Variants in KCNIP1 observed in about 807,000 individuals in gnomAD.
KCNIP1 encodes potassium voltage-gated channel interacting protein 1.
Under a neutral mutation model 33.0 loss-of-function variants are expected in KCNIP1, and 18 were observed. That is an observed-to-expected ratio of 0.55 (90% confidence interval 0.38 to 0.81). The LOEUF (loss-of-function observed/expected upper bound fraction) is 0.81. Ranked by LOEUF, KCNIP1 falls within the 30% of genes least tolerant of loss-of-function variation. The pLI, the probability that KCNIP1 is intolerant of heterozygous loss-of-function variation, is 0.00. For synonymous variants in KCNIP1, 93 were observed against 98.3 expected (o/e 0.95, Z 0.32); for missense variants, 238 against 271.6 (o/e 0.88, Z 0.87).
chr5:170,367,702 C>T (rs1187854826), intron 1 of KCNIP1, among the ~76,000 whole-genome samples: 1 of 152,244 alleles, frequency 6.6e-6, no homozygotes, highest in Non-Finnish European at 1.5e-5. Context: ...TTTCCACTCT[C>T]AGAACCGTTC....
intron 1 of KCNIP1, among the ~76,000 whole-genome samples, chr5:170,670,163 G>A (rs1341021480): frequency 6.6e-6 from 1 of 152,144 alleles, no homozygotes; most frequent in Non-Finnish European, 1.5e-5. Flanking sequence ...ATTGAGGATC[G>A]AAAGGCCAGG....
chr5:170,393,086 C>T (rs560800841), intron 1 of KCNIP1, among the ~76,000 whole-genome samples: 30 of 152,288 alleles, frequency 2.0e-4, no homozygotes, highest in Admixed American at 1.8e-3. Flanking sequence ...ACGCCCCTAG[C>T]GTGTGATGTG....
intron 1 of KCNIP1, among the ~76,000 whole-genome samples, chr5:170,716,267 C>G (rs1229083997): frequency 6.6e-6 from 1 of 152,198 alleles, no homozygotes; most frequent in Non-Finnish European, 1.5e-5. Flanking sequence ...GCACAGCTCA[C>G]ATTAGTGAGG....
rs894954551 is a variant in KCNIP1 at position 170,457,369 on chromosome 5, C to T, written c.88+103405C>T. ...AGAGTACGGAGAGGCCCTGGAGGGG[C>T]ATAACGACTGCAGGAATAAATTAGG... On this transcript the variant is annotated intron_variant, in intron 1 of 7. Coordinates refer to the KCNIP1 transcript ENST00000377360. 7.2e-5 allele frequency among the ~76,000 whole-genome samples: 11 copies of T among 152,154 alleles called. No homozygotes were observed. In the South Asian group the frequency reaches 1.0e-3, roughly 14 times the overall value.
chr5:170,477,232 G>GATAT (rs141358703), intron 1 of KCNIP1, among the ~76,000 whole-genome samples: 6 of 150,184 alleles, frequency 4.0e-5, no homozygotes, highest in African/African-American at 1.5e-4. Flanking sequence ...ACTCTGGGGA[G>GATAT]ATATATATAT....
At chr5:170,532,824 T>G (rs2113350613) in intron 1 of KCNIP1, among the ~76,000 whole-genome samples, 1 of 152,244 alleles carries the variant, frequency 6.6e-6, no homozygotes, top group South Asian at 2.1e-4. Flanking sequence ...AAACTCCCAG[T>G]CTTCCTTTCT....
chr5:170,620,342 A>G (rs929909028), intron 1 of KCNIP1, among the ~76,000 whole-genome samples: 6 of 152,208 alleles, frequency 3.9e-5, no homozygotes, highest in Non-Finnish European at 5.9e-5. Context: ...GGCCTTCATC[A>G]TTAGTACAGG....
intron 1 of KCNIP1, among the ~76,000 whole-genome samples, chr5:170,610,844 C>T (rs1314260072): frequency 1.3e-5 from 2 of 152,218 alleles, no homozygotes; most frequent in Non-Finnish European, 2.9e-5. Context: ...ATGTCCATGT[C>T]TCCTGCCACC....
chr5:170,568,894 T>C (rs1269806491), intron 1 of KCNIP1, among the ~76,000 whole-genome samples: 1 of 152,142 alleles, frequency 6.6e-6, no homozygotes, highest in Non-Finnish European at 1.5e-5. Flanking sequence ...GCCCTTTCTC[T>C]GCGGCTACCC....
intron 1 of KCNIP1, among the ~76,000 whole-genome samples, chr5:170,640,226 C>T (rs2113695285): frequency 6.6e-6 from 1 of 152,320 alleles, no homozygotes; most frequent in African/African-American, 2.4e-5. Context: ...ATATTGTTCC[C>T]AACTCCTGAG....
chr5:170,718,946 A>G lies in KCNIP1; in HGVS notation c.186+64A>G, dbSNP rs1171456554. 1.2e-5 allele frequency: 19 copies of G among 1,564,228 alleles called. No individual in the cohort carries two copies. In the East Asian group the frequency reaches 1.6e-4, roughly 13 times the overall value. On this transcript the variant is annotated intron_variant, in intron 2 of 7. Coordinates refer to ENST00000328939, the MANE Select transcript of KCNIP1 (RefSeq NM_014592.4). Reference sequence around the variant, plus strand: ...CCCACGTGAGGCTACACTCTCCCCAATGCCAAGGGAGCTCATAAGGCGTTT... The same window carrying G: ...CCCACGTGAGGCTACACTCTCCCCAGTGCCAAGGGAGCTCATAAGGCGTTT...
At chr5:170,732,999 C>A in intron 6 of KCNIP1, 95 bp downstream of exon 6, 1 of 711,566 alleles carries the variant, frequency 1.4e-6, no homozygotes, top group Non-Finnish European at 2.6e-6. Context: ...CAACCCTGTA[C>A]TAAGCATGGT....
intron 1 of KCNIP1, among the ~76,000 whole-genome samples, chr5:170,485,218 G>A (rs944423200): frequency 1.3e-5 from 2 of 152,154 alleles, no homozygotes; most frequent in African/African-American, 4.8e-5. Context: ...AGGATTATAG[G>A]TGTAAGCCAC....
chr5:170,467,294 A>T (rs78016622), intron 1 of KCNIP1, among the ~76,000 whole-genome samples: 1,987 of 152,272 alleles, frequency 0.013, 46 homozygotes, highest in East Asian at 0.054. Flanking sequence ...TAAAATGCTG[A>T]TGTGACATTG....
intron 1 of KCNIP1, among the ~76,000 whole-genome samples, chr5:170,624,733 G>GGGGTGGGGT (rs1554105629): frequency 1.5e-5 from 1 of 67,524 alleles, no homozygotes; most frequent in Non-Finnish European, 3.0e-5. Context: ...CCGGGGAGGT[G>GGGGTGGGGT]GGGGGGGAGA....
intron 1 of KCNIP1, among the ~76,000 whole-genome samples, chr5:170,679,598 C>A (rs1762257663): frequency 6.7e-6 from 1 of 148,474 alleles, no homozygotes. Context: ...ATTAGTGTAT[C>A]CTTTTGGAAA....
At chr5:170,683,210 T>G (rs1762418946) in intron 1 of KCNIP1, among the ~76,000 whole-genome samples, 1 of 152,190 alleles carries the variant, frequency 6.6e-6, no homozygotes, top group African/African-American at 2.4e-5. Flanking sequence ...ATGTGCCAGG[T>G]ACAGTGCTAA....
At position 170,735,949 on chromosome 5, in the gene KCNIP1, G is replaced by A; in HGVS notation, c.*143G>A. The A allele has an allele frequency of 1.5e-6, 1 of 668,840 alleles. No individual in the cohort carries two copies. Among genetic ancestry groups the A allele is most frequent in the Non-Finnish European group, 2.6e-6 (1 of 385,008 alleles). 41.4% of individuals were successfully genotyped at this position (668,840 alleles called of 1,614,324 possible). ...CACTTTGGAAGAATTCTCTGCTGAA[G>A]ACTTTCTATGGAACCCAGCATCATG... On this transcript the variant is annotated 3_prime_UTR_variant, in exon 8 of 8. Coordinates refer to ENST00000328939, the MANE Select transcript of KCNIP1 (RefSeq NM_014592.4).
chr5:170,472,373 A>T (rs1756750696), intron 1 of KCNIP1, among the ~76,000 whole-genome samples: 1 of 152,168 alleles, frequency 6.6e-6, no homozygotes, highest in Admixed American at 6.5e-5. Flanking sequence ...CCGCCTGGGT[A>T]AGGGATGGGG....
Sources: gnomAD v4.1 joint callset for allele counts (sites outside exome capture counted in the v4.1 genomes callset) on GRCh38, gnomAD v4.1.1 for gene constraint, MANE v1.5 for transcripts, NCBI Gene and HGNC (gene_info 2026-07-23, HGNC 2026-07-21) for gene names.